The following MANSC1 variants were observed in gnomAD, a reference collection of about 807,000 sequenced individuals.
The protein encoded by MANSC1 is MANSC domain containing 1.
A neutral mutation model predicts 14.1 loss-of-function variants in MANSC1; 13 were observed. The observed-to-expected ratio is 0.92, with a 90% CI of 0.60 to 1.46. MANSC1 has a LOEUF of 1.46. MANSC1 is among the 40% of genes most tolerant of loss of function. The pLI is 0.00. For missense variants in MANSC1, 486 were observed against 511.4 expected (o/e 0.95, Z 0.48); for synonymous variants, 227 against 200.7 (o/e 1.13, Z -1.11).
Position 12,329,027 on chromosome 12 carries a change from A to ACACACACACAC in MANSC1, c.*999_*1000insGTGTGTGTGTG, listed in dbSNP as rs1184334371. 1.4e-4 allele frequency: 10 copies of ACACACACACAC among 73,816 alleles called. No individual in the cohort carries two copies. Among genetic ancestry groups the ACACACACACAC allele is most frequent in the African/African-American group, 4.4e-4 (10 of 22,960 alleles). The allele number at this position is 73,816 out of a possible 1,614,324, so 4.6% of individuals were successfully genotyped here. ...ACACACACACACACACACACACACA[A>ACACACACACAC]GTTAACTAGAACAGATCCCAAGTGG... On this transcript the variant is annotated 3_prime_UTR_variant, in exon 4 of 4. Coordinates refer to ENST00000535902, the MANE Select transcript of MANSC1 (RefSeq NM_018050.4).
rs1488892518 is a variant in MANSC1 at position 12,335,585 on chromosome 12, C to T, written c.364+2835G>A. On this transcript the variant is annotated intron_variant, in intron 3 of 3. Coordinates refer to ENST00000535902, the MANE Select transcript of MANSC1 (RefSeq NM_018050.4). ...CGAATTCCTGACGTTGTGATCTGCCCGCCTCAGCCTCCCAAAGTGCTGGGA... is the reference window on the plus strand; with the variant it reads ...CGAATTCCTGACGTTGTGATCTGCCTGCCTCAGCCTCCCAAAGTGCTGGGA... Among the ~76,000 whole-genome samples, 5 of 151,692 alleles carry T rather than the reference C, an allele frequency of 3.3e-5. 1 individual carries two copies. The highest frequency in any genetic ancestry group is 4.2e-4 in the South Asian group (2 of 4,814).
chr12:12,343,187 G>A lies in MANSC1; in HGVS notation c.128C>T (p.Ser43Leu), dbSNP rs1565804222. ...GCCTCTGATTCCCTTAGAAAGAGAT[G>A]ACTGGATGTCAATGACAACATCTTC... ...SLEDVVIDIQ[S>L]SLSKGIRGNE... Residue 43 changes from serine (S) to leucine (L), a missense_variant, in exon 2 of 4, where the codon TCA becomes TTA. Transcript: ENST00000535902. 1.9e-6 allele frequency: 3 copies of A among 1,613,518 alleles called. No homozygotes were observed. The highest frequency in any genetic ancestry group is 2.5e-6 in the Non-Finnish European group (3 of 1,179,554).
intron 1 of MANSC1, among the ~76,000 whole-genome samples, chr12:12,346,729 T>G (rs965484876): frequency 6.6e-6 from 1 of 152,212 alleles, no homozygotes; most frequent in Non-Finnish European, 1.5e-5. Context: ...TAGCTCTAAA[T>G]GGATCACAGA....
intron 1 of MANSC1, among the ~76,000 whole-genome samples, chr12:12,347,892 C>G (rs1294837813): frequency 7.1e-6 from 1 of 141,442 alleles, no homozygotes; most frequent in Non-Finnish European, 1.6e-5. Flanking sequence ...AACCCCATCT[C>G]TACTAAAAAA....
intron 3 of MANSC1, among the ~76,000 whole-genome samples, chr12:12,338,053 A>G (rs1862881697): frequency 6.6e-6 from 1 of 152,232 alleles, no homozygotes; most frequent in African/African-American, 2.4e-5. Context: ...TTAATAACAA[A>G]TATACTAGAA....
rs894713615 is a variant in MANSC1 at position 12,326,262 on chromosome 12, G to C, written c.*3765C>G. 6.6e-6 allele frequency: 1 copy of C among 152,182 alleles called. No homozygotes were observed. Among genetic ancestry groups the C allele is most frequent in the African/African-American group, 2.4e-5 (1 of 41,434 alleles). The allele number at this position is 152,182 out of a possible 1,614,324, so 9.4% of individuals were successfully genotyped here. ...CAACAACCAAGTCTTCACATGGTCAGCATCCCAAGCATGAAATAAGGGGAT... is the reference window on the plus strand; with the variant it reads ...CAACAACCAAGTCTTCACATGGTCACCATCCCAAGCATGAAATAAGGGGAT... On this transcript the variant is annotated 3_prime_UTR_variant, in exon 4 of 4. Coordinates refer to ENST00000535902, the MANE Select transcript of MANSC1 (RefSeq NM_018050.4).
chr12:12,349,027 GATA>G (rs933225181), intron 1 of MANSC1, among the ~76,000 whole-genome samples: 5 of 152,194 alleles, frequency 3.3e-5, no homozygotes, highest in Non-Finnish European at 7.3e-5. Context: ...ATTGAGTATA[GATA>G]ATATTTTGAA....
At position 12,329,834 on chromosome 12, in the gene MANSC1, C is replaced by T. The variant is rs570948331; in HGVS notation, c.*193G>A. The T allele has an allele frequency of 2.2e-5, 12 of 549,554 alleles. No individual in the cohort carries two copies. The highest frequency in any genetic ancestry group is 3.2e-5 in the Non-Finnish European group (10 of 313,486). 34.0% of individuals were successfully genotyped at this position (549,554 alleles called of 1,614,324 possible). A position where few individuals can be genotyped will look rare whatever the true frequency, so the allele number is the denominator to read the frequency against. On this transcript the variant is annotated 3_prime_UTR_variant, in exon 4 of 4. Coordinates refer to ENST00000535902, the MANE Select transcript of MANSC1 (RefSeq NM_018050.4). ...AGGAGACGGAGGTTGCGGTGAGAGCCGAGATCGTGCTACTGCACTCCAGCC... is the reference window on the plus strand; with the variant it reads ...AGGAGACGGAGGTTGCGGTGAGAGCTGAGATCGTGCTACTGCACTCCAGCC...
rs558033473 is a variant in MANSC1, at chr12:12,343,362, C to A, written c.-48G>T. ...GTCTTCAAAGGTCAAGGATAATCCT[C>A]CCTCTGGTCTTAGTTTGCTTTAAGA... On this transcript the variant is annotated 5_prime_UTR_variant, in exon 2 of 4. Coordinates refer to ENST00000535902, the MANE Select transcript of MANSC1 (RefSeq NM_018050.4). The A allele has an allele frequency of 7.3e-7, 1 of 1,364,600 alleles. No individual in the cohort carries two copies. Among genetic ancestry groups the A allele is most frequent in the South Asian group, 1.2e-5 (1 of 84,134 alleles). The allele number at this position is 1,364,600 out of a possible 1,614,324, so 84.5% of individuals were successfully genotyped here.
At chr12:12,334,592 A>G (rs1334112574) in intron 3 of MANSC1, among the ~76,000 whole-genome samples, 2 of 152,188 alleles carry the variant, frequency 1.3e-5, no homozygotes, top group African/African-American at 2.4e-5. Context: ...TGGCTGCCAC[A>G]AGAACAGTTT....
chr12:12,328,790 C>G lies in MANSC1; in HGVS notation c.*1237G>C, dbSNP rs1862739937. On this transcript the variant is annotated 3_prime_UTR_variant, in exon 4 of 4. Coordinates refer to ENST00000535902, the MANE Select transcript of MANSC1 (RefSeq NM_018050.4). ...GATCACAAGGTCAGGAGATCGAGAC[C>G]ATCCTGACTAACACAGTGAAACCCC... The G allele has an allele frequency of 6.6e-6, 1 of 151,402 alleles. No homozygotes were observed. Among genetic ancestry groups the G allele is most frequent in the Non-Finnish European group, 1.5e-5 (1 of 67,824 alleles). 9.4% of individuals were successfully genotyped at this position (151,402 alleles called of 1,614,324 possible). A position where few individuals can be genotyped will look rare whatever the true frequency, so the allele number is the denominator to read the frequency against.
rs1313752207 is a variant in MANSC1, at chr12:12,338,485, C to T, written c.299G>A (p.Cys100Tyr). 6.8e-6 allele frequency: 11 copies of T among 1,613,384 alleles called. No homozygotes were observed. The highest frequency in any genetic ancestry group is 9.3e-6 in the Non-Finnish European group (11 of 1,179,788). Residue 100 changes from cysteine (C) to tyrosine (Y), a missense_variant, in exon 3 of 4, where the codon TGT becomes TAT. Cys to Tyr is a radical substitution (Grantham distance 194). Transcript: ENST00000535902. ...ARQPNCYLFF[C>Y]PNEEACPLKP... ...CAATGGACAGGCTTCCTCGTTGGGA[C>T]AGAAAAATAGGTAGCAGTTGGGTTG...
Position 12,337,927 on chromosome 12 carries a change from C to T in MANSC1, c.364+493G>A, listed in dbSNP as rs542813215. ...TAATAAATATTTCTTGAATGAATTT[C>T]CTTTCCAGTCTAGACAATAAAATCC... On this transcript the variant is annotated intron_variant, in intron 3 of 3. Transcript: ENST00000535902. 5.3e-5 allele frequency among the ~76,000 whole-genome samples: 8 copies of T among 152,282 alleles called. No individual in the cohort carries two copies. The South Asian group carries it at 1.5e-3, about 28-fold the overall frequency.
intron 2 of MANSC1, among the ~76,000 whole-genome samples, chr12:12,340,544 C>T (rs899443202): frequency 4.6e-5 from 7 of 152,168 alleles, no homozygotes; most frequent in South Asian, 4.1e-4. Flanking sequence ...TTGTGCCCAT[C>T]GTGTTATGTG....
At chr12:12,342,149 C>T (rs2135995525) in intron 2 of MANSC1, among the ~76,000 whole-genome samples, 1 of 152,350 alleles carries the variant, frequency 6.6e-6, no homozygotes, top group South Asian at 2.1e-4. Flanking sequence ...TGCTATGTTG[C>T]CCAGGCTGCT....
intron 1 of MANSC1, among the ~76,000 whole-genome samples, chr12:12,344,933 A>G (rs1862988393): frequency 1.5e-5 from 1 of 64,842 alleles, no homozygotes; most frequent in Admixed American, 1.4e-4. Flanking sequence ...ATATATATAT[A>G]TATATATATA....
intron 3 of MANSC1, among the ~76,000 whole-genome samples, chr12:12,336,538 T>C (rs1306857034): frequency 6.6e-6 from 1 of 152,202 alleles, no homozygotes; most frequent in Non-Finnish European, 1.5e-5. Context: ...TTCCTATTTT[T>C]TTTTTAGAGA....
intron 1 of MANSC1, among the ~76,000 whole-genome samples, chr12:12,347,727 C>CA (rs1863026990): frequency 6.6e-6 from 1 of 151,980 alleles, no homozygotes; most frequent in South Asian, 2.1e-4. Context: ...GGCTAAAATC[C>CA]AAAAAATGGA....
chr12:12,348,011 C>T (rs1031953536), intron 1 of MANSC1, among the ~76,000 whole-genome samples: 28 of 151,616 alleles, frequency 1.8e-4, no homozygotes, highest in African/African-American at 4.9e-4. Flanking sequence ...TGCAGTGAGC[C>T]GAGATCATGC....
Sources: gnomAD v4.1 joint callset for allele counts (sites outside exome capture counted in the v4.1 genomes callset) on GRCh38, gnomAD v4.1.1 for gene constraint, MANE v1.5 for transcripts, NCBI Gene and HGNC (gene_info 2026-07-23, HGNC 2026-07-21) for gene names.